The following MAML3 variants were observed in gnomAD, a reference collection of about 807,000 sequenced individuals.
MAML3 encodes the protein mastermind like transcriptional coactivator 3.
A neutral mutation model predicts 101.9 loss-of-function variants in MAML3; 27 were observed. The observed-to-expected ratio is 0.27, with a 90% CI of 0.20 to 0.37. MAML3 has a LOEUF of 0.37. Among genes scored for constraint, MAML3 ranks in the 10% least tolerant of loss-of-function variants. The probability of loss-of-function intolerance (pLI) is 1.00; values close to 1 mark genes in which losing one functional copy is unlikely to be tolerated. For synonymous variants in MAML3, 501 were observed against 555.9 expected, an observed-to-expected ratio of 0.90 and a Z score of 1.39; for missense variants, 1,316 against 1,444.9, an observed-to-expected ratio of 0.91 and a Z score of 1.45.
chr4:139,798,035 AG>A (rs1409213173), intron 2 of MAML3, among the ~76,000 whole-genome samples: 8 of 3,270 alleles, frequency 2.4e-3, no homozygotes, highest in South Asian at 0.062. Context: ...GGAGAGAGAG[AG>A]AAAGAAAGAA....
intron 1 of MAML3, among the ~76,000 whole-genome samples, chr4:139,960,042 T>C (rs1334705845): frequency 2.0e-5 from 3 of 152,170 alleles, no homozygotes; most frequent in Non-Finnish European, 4.4e-5. Context: ...TCCAAGTACA[T>C]GCTTGTCCTA....
At chr4:139,776,209 A>C (rs1279438623) in intron 2 of MAML3, among the ~76,000 whole-genome samples, 1 of 152,104 alleles carries the variant, frequency 6.6e-6, no homozygotes, top group African/African-American at 2.4e-5. Context: ...TTTTGCTCTA[A>C]TTTTATTTTG....
chr4:140,105,765 C>G lies in MAML3; in HGVS notation c.468+47095G>C, dbSNP rs191182990. On this transcript the variant is annotated intron_variant, in intron 1 of 4. Coordinates refer to ENST00000509479, the MANE Select transcript of MAML3 (RefSeq NM_018717.5). ...TCTTCCCCAGTCTGGTCAATACACC[C>G]ATCACACATCAATCAAGTGATGGAG... Among the ~76,000 whole-genome samples the G allele has an allele frequency of 5.7e-3, 861 of 152,234 alleles. 10 individuals carry two copies. The highest frequency in any genetic ancestry group is 0.02 in the African/African-American group (828 of 41,532).
At chr4:139,928,975 A>T (rs769685) in intron 1 of MAML3, among the ~76,000 whole-genome samples, 112,537 of 152,116 alleles carry the variant, frequency 0.74, 42,699 homozygotes, top group East Asian at 0.93. Context: ...GAGGAAGGGA[A>T]GTATATGAGC....
chr4:139,766,028 C>T (rs564374576), intron 2 of MAML3, among the ~76,000 whole-genome samples: 15 of 152,234 alleles, frequency 9.9e-5, no homozygotes, highest in Admixed American at 8.5e-4. Flanking sequence ...AAGTGTCTAT[C>T]GAGCACCTAT....
At position 139,717,185 on chromosome 4, in the gene MAML3, T is replaced by C. The variant is rs1431129843; in HGVS notation, c.*2138A>G. 6.6e-6 allele frequency: 1 copy of C among 152,504 alleles called. No individual in the cohort carries two copies. The highest frequency in any genetic ancestry group is 1.5e-5 in the Non-Finnish European group (1 of 68,008). The allele number at this position is 152,504 out of a possible 1,614,324, so 9.4% of individuals were successfully genotyped here. Reference sequence around the variant, plus strand: ...AAACAAAACCAAAACAAAACCACCATATTAAAATCTACCTATTAGTTGGTC... The same window carrying C: ...AAACAAAACCAAAACAAAACCACCACATTAAAATCTACCTATTAGTTGGTC... On this transcript the variant is annotated 3_prime_UTR_variant, in exon 5 of 5. Coordinates refer to ENST00000509479, the MANE Select transcript of MAML3 (RefSeq NM_018717.5).
chr4:140,001,185 T>C (rs189860382), intron 1 of MAML3, among the ~76,000 whole-genome samples: 104 of 152,336 alleles, frequency 6.8e-4, no homozygotes, highest in African/African-American at 2.3e-3. Flanking sequence ...ATTTGCAACA[T>C]ACTACTCCAG....
intron 2 of MAML3, among the ~76,000 whole-genome samples, chr4:139,853,475 A>T (rs1009541999): frequency 5.9e-5 from 9 of 152,046 alleles, no homozygotes; most frequent in African/African-American, 1.9e-4. Flanking sequence ...TTTGAGGATT[A>T]TGGAGATGGA....
At chr4:139,827,380 T>A (rs1242494684) in intron 2 of MAML3, among the ~76,000 whole-genome samples, 1 of 152,228 alleles carries the variant, frequency 6.6e-6, no homozygotes, top group East Asian at 1.9e-4. Flanking sequence ...AGCTGTGGAC[T>A]GGGTTAAGGT....
At chr4:140,001,037 GA>G (rs1190639876) in intron 1 of MAML3, among the ~76,000 whole-genome samples, 1 of 151,022 alleles carries the variant, frequency 6.6e-6, no homozygotes, top group African/African-American at 2.4e-5. Flanking sequence ...TCAAAAAAAA[GA>G]AAAAAAAGAA....
At chr4:139,867,856 C>T (rs1047427606) in intron 2 of MAML3, among the ~76,000 whole-genome samples, 36 of 152,366 alleles carry the variant, frequency 2.4e-4, no homozygotes, top group Admixed American at 1.3e-3. Flanking sequence ...CTGAGGCCAC[C>T]GCCCCACACT....
At chr4:140,111,561 C>T (rs1728439476) in intron 1 of MAML3, among the ~76,000 whole-genome samples, 1 of 152,160 alleles carries the variant, frequency 6.6e-6, no homozygotes, top group South Asian at 2.1e-4. Context: ...AGCTTTGTCC[C>T]CTTCCCCTTA....
At chr4:139,739,739 AAGC>A (rs1283500288) in intron 2 of MAML3, among the ~76,000 whole-genome samples, 1 of 149,954 alleles carries the variant, frequency 6.7e-6, no homozygotes, top group Non-Finnish European at 1.5e-5. Flanking sequence ...AAAAAGAAAA[AAGC>A]AGTTTCTAAA....
chr4:139,982,567 T>C (rs773773155), intron 1 of MAML3, among the ~76,000 whole-genome samples: 4 of 152,160 alleles, frequency 2.6e-5, no homozygotes, highest in Admixed American at 6.5e-5. Flanking sequence ...ACCTACCACA[T>C]AGGTTAGCAT....
intron 1 of MAML3, among the ~76,000 whole-genome samples, chr4:140,009,681 TACA>T (rs1726516377): frequency 6.6e-6 from 1 of 152,156 alleles, no homozygotes; most frequent in East Asian, 1.9e-4. Context: ...ATTCAACAAA[TACA>T]TAAAGAGTAC....
intron 1 of MAML3, among the ~76,000 whole-genome samples, chr4:140,100,079 A>C: frequency 7.0e-6 from 1 of 141,964 alleles, no homozygotes; most frequent in Non-Finnish European, 1.5e-5. Context: ...CGTTCCAGGC[A>C]CCCAGTCATT....
intron 1 of MAML3, among the ~76,000 whole-genome samples, chr4:140,054,751 G>A (rs1255258322): frequency 1.3e-5 from 2 of 152,114 alleles, no homozygotes. Flanking sequence ...GCTCCCCACA[G>A]GCAGGGACCA....
chr4:139,832,295 GT>G (rs1731182154), intron 2 of MAML3, among the ~76,000 whole-genome samples: 1 of 133,252 alleles, frequency 7.5e-6, no homozygotes, highest in African/African-American at 3.6e-5. Flanking sequence ...TTTATTTTTA[GT>G]AGACAGGGTT....
intron 2 of MAML3, among the ~76,000 whole-genome samples, chr4:139,750,450 A>G (rs776693902): frequency 7.2e-5 from 11 of 152,212 alleles, no homozygotes; most frequent in Non-Finnish European, 1.3e-4. Context: ...GGACTCTAGA[A>G]ATGGCCTTTG....
Sources: gnomAD v4.1 joint callset for allele counts (sites outside exome capture counted in the v4.1 genomes callset) on GRCh38, gnomAD v4.1.1 for gene constraint, MANE v1.5 for transcripts, NCBI Gene and HGNC (gene_info 2026-07-23, HGNC 2026-07-21) for gene names.